Variants in SRCIN1 observed in about 807,000 individuals in gnomAD.
SRCIN1 encodes the protein SRC kinase signaling inhibitor 1, also known as P130Cas-associated protein.
SRCIN1 carries 50 observed loss-of-function variants against 116.2 expected under a neutral mutation model. That is an observed-to-expected ratio of 0.43 (90% CI 0.34 to 0.54). The LOEUF (loss-of-function observed/expected upper bound fraction) is 0.54. SRCIN1 is among the 20% of genes least tolerant of loss of function. The pLI is 0.02. For missense variants in SRCIN1, 1,446 were observed against 1,672.0 expected (o/e 0.86, Z 2.36); for synonymous variants, 736 against 750.0 (o/e 0.98, Z 0.30).
In SRCIN1 at chr17:38,551,335, T is replaced by C; in HGVS notation, c.2782A>G (p.Lys928Glu). 3 of 1,613,858 alleles carry C rather than the reference T, an allele frequency of 1.9e-6. No homozygotes were observed. The highest frequency in any genetic ancestry group is 2.5e-6 in the Non-Finnish European group (3 of 1,179,842). The change falls in exon 15 of 19, where the codon AAG becomes GAG. Residue 928 changes from lysine to glutamate, a missense_variant. Around this residue, in one of 5 missense-constraint regions of SRCIN1, gnomAD observed 531 missense variants for 633.9 expected, o/e 0.84. Transcript: ENST00000617146. ...KRAALTQYSAKDINRLLEETQ... is the reference protein window; with the variant it reads ...KRAALTQYSAEDINRLLEETQ... Reference sequence around the variant, plus strand: ...TCTTCCAGCAGCCGGTTGATGTCCTTGGCACTGTACTGGGTCAGGGCTGCC... The same window carrying C: ...TCTTCCAGCAGCCGGTTGATGTCCTCGGCACTGTACTGGGTCAGGGCTGCC...
intron 1 of SRCIN1, among the ~76,000 whole-genome samples, chr17:38,589,176 A>G (rs952035181): frequency 3.3e-5 from 5 of 152,154 alleles, no homozygotes; most frequent in Non-Finnish European, 5.9e-5. Context: ...TCGGCCTCCC[A>G]AAGTGCTGGG....
rs546619019 is a variant in SRCIN1 at position 38,558,120 on chromosome 17, G to A, written c.2201+107C>T. The A allele has an allele frequency of 6.6e-5, 87 of 1,308,794 alleles. 1 individual carries two copies. In the South Asian group the frequency reaches 9.1e-4, roughly 14 times the overall value. 81.1% of individuals were successfully genotyped at this position (1,308,794 alleles called of 1,614,324 possible). A position where few individuals can be genotyped will look rare whatever the true frequency, so the allele number is the denominator to read the frequency against. On this transcript the variant is annotated intron_variant, in intron 11 of 18. Coordinates refer to ENST00000617146, the MANE Select transcript of SRCIN1 (RefSeq NM_025248.3). This position sits in a 1 kb window ranked among gnomAD's most constrained non-coding sequence, Gnocchi z 4.6. Reference sequence around the variant, plus strand: ...AAATCAGGCTTCAGAACAGACCAACGCCACCTGTGACTCAGAGGGAAGGGA... The same window carrying A: ...AAATCAGGCTTCAGAACAGACCAACACCACCTGTGACTCAGAGGGAAGGGA...
chr17:38,564,146 C>A lies in SRCIN1; in HGVS notation c.513G>T (p.Ser171=), dbSNP rs758772037. ...GGGAGCGCAGCTTGGTCTGGCTGGC[C>A]GAGCGGGAGAGAGGCAGGCTCTGTC... is the stretch of plus-strand genomic sequence containing the variant. ...RFRQSLPLSR[S]ASQTKLRSPG... is the part of the protein sequence containing the mutation. The change falls in exon 4 of 19, where the codon TCG becomes TCT. Residue 171 remains serine (S), a synonymous_variant. Coordinates refer to ENST00000617146, the MANE Select transcript of SRCIN1 (RefSeq NM_025248.3). The A allele has an allele frequency of 1.2e-6, 2 of 1,600,282 alleles. No individual in the cohort carries two copies. The highest frequency in any genetic ancestry group is 1.7e-5 in the Admixed American group (1 of 58,240).
chr17:38,601,659 C>CGT (rs1264485832), intron 1 of SRCIN1, among the ~76,000 whole-genome samples: 2 of 143,372 alleles, frequency 1.4e-5, no homozygotes, highest in African/African-American at 5.2e-5. Flanking sequence ...CACACGCTCG[C>CGT]GCGCACACAC....
In SRCIN1 at chr17:38,563,367, G is replaced by C; in HGVS notation, c.696C>G (p.Ile232Met). 6.3e-7 allele frequency: 1 copy of C among 1,581,542 alleles called. No individual in the cohort carries two copies. The highest frequency in any genetic ancestry group is 8.6e-7 in the Non-Finnish European group (1 of 1,163,110). ...MLKSPNTAIL[I>M]KDEARNVFYE... ...AGAAGACGTTGCGAGCCTCGTCTTT[G>C]ATGAGGATGGCGGTATTGGGCGACT... The change falls in exon 5 of 19, where the codon ATC (isoleucine) becomes ATG (methionine). Residue 232 changes from isoleucine (I) to methionine (M), a missense_variant. Ile to Met is a conservative substitution (Grantham distance 10). This residue lies in a region of SRCIN1 where 32 missense variants were observed against 69.7 expected (regional missense o/e 0.46). Coordinates refer to ENST00000617146, the MANE Select transcript of SRCIN1 (RefSeq NM_025248.3). This position sits in a 1 kb window ranked among gnomAD's most constrained non-coding sequence, Gnocchi z 5.8.
chr17:38,560,537 GCCAAAACA>G, intron 7 of SRCIN1, 112 bp from the exon 8 acceptor site: 1 of 890,308 alleles, frequency 1.1e-6, no homozygotes. Context: ...ATCCCTGGCT[GCCAAAACA>G]CAGACAACGC....
intron 11 of SRCIN1, among the ~76,000 whole-genome samples, chr17:38,557,691 C>G (rs1444832240): frequency 6.6e-6 from 1 of 152,248 alleles, no homozygotes; most frequent in East Asian, 1.9e-4. Context: ...GCGATTCCTC[C>G]TTCCTTCTGA....
At chr17:38,536,481 C>T (rs1434979902) in intron 18 of SRCIN1, among the ~76,000 whole-genome samples, 3 of 152,264 alleles carry the variant, frequency 2.0e-5, no homozygotes, top group Admixed American at 2.0e-4. Flanking sequence ...TCCCAGAGGG[C>T]ACCACCCTGC....
At position 38,550,345 on chromosome 17, in the gene SRCIN1, A is replaced by G. The variant is rs1214356048; in HGVS notation, c.2962+810T>C. Among the ~76,000 whole-genome samples the G allele has an allele frequency of 2.6e-5, 4 of 152,072 alleles. No homozygotes were observed. In the East Asian group the frequency reaches 7.7e-4, roughly 29 times the overall value. On this transcript the variant is annotated intron_variant, in intron 15 of 18. Transcript: ENST00000617146. ...CCATCTCTACTAAAAATACAAAAAA[A>G]TTAGCCGGGCGTGGTGCAGGCGCCT... is the stretch of plus-strand genomic sequence containing the variant.
chr17:38,557,153 G>A (rs1028856537), intron 11 of SRCIN1, among the ~76,000 whole-genome samples: 12 of 152,256 alleles, frequency 7.9e-5, no homozygotes, highest in Non-Finnish European at 1.5e-4. Context: ...TTGCTAAAAT[G>A]CACATGTACC....
intron 1 of SRCIN1, among the ~76,000 whole-genome samples, chr17:38,589,204 C>T (rs1908309271): frequency 6.6e-6 from 1 of 152,206 alleles, no homozygotes; most frequent in Non-Finnish European, 1.5e-5. Context: ...GCGTGAGCCA[C>T]CGTGCCCAGC....
rs1303023643 is a variant in SRCIN1 at position 38,564,260 on chromosome 17, C to G, written c.399G>C (p.Ala133=). The change falls in exon 4 of 19, where the codon GCG becomes GCC. Residue 133 remains alanine, a synonymous_variant. Transcript: ENST00000617146. ...QGAQPGLADQ[A]AKLSYASAES... is the part of the protein sequence containing the mutation. ...CGGCGGAGGCGTAGGACAGCTTTGCCGCCTGGTCTGCCAGCCCGGGCTGGG... is the reference window on the plus strand; with the variant it reads ...CGGCGGAGGCGTAGGACAGCTTTGCGGCCTGGTCTGCCAGCCCGGGCTGGG... The G allele has an allele frequency of 6.4e-7, 1 of 1,574,562 alleles. No individual in the cohort carries two copies. Among genetic ancestry groups the G allele is most frequent in the Non-Finnish European group, 8.6e-7 (1 of 1,162,648 alleles).
rs902725905 is a variant in SRCIN1, at chr17:38,572,827, C to T, written c.325-4596G>A. 3.2e-4 allele frequency: 49 copies of T among 152,102 alleles called. No homozygotes were observed. Among genetic ancestry groups the T allele is most frequent in the Admixed American group, 7.9e-4 (12 of 15,164 alleles). 9.4% of individuals were successfully genotyped at this position (152,102 alleles called of 1,614,324 possible). Reference sequence around the variant, plus strand: ...GTGCCCTTTGCTGCAATGCGAGAGCCGCCGCGGCCGCCGCCGTGCCGGCCC... The same window carrying T: ...GTGCCCTTTGCTGCAATGCGAGAGCTGCCGCGGCCGCCGCCGTGCCGGCCC... On this transcript the variant is annotated intron_variant, in intron 2 of 18. Transcript: ENST00000617146. This position sits in a 1 kb window ranked among gnomAD's most constrained non-coding sequence, Gnocchi z 4.3.
At chr17:38,560,508 C>A (rs964069965) in intron 7 of SRCIN1, 83 bp from the exon 8 acceptor site, 1 of 1,184,028 alleles carries the variant, frequency 8.4e-7, no homozygotes. Context: ...AGATTGGTAA[C>A]CAGAAGAAAC....
Position 38,552,469 on chromosome 17 carries a change from C to G in SRCIN1, c.2458G>C (p.Asp820His), listed in dbSNP as rs754457711. 2 of 1,602,868 alleles carry G rather than the reference C, an allele frequency of 1.2e-6. No individual in the cohort carries two copies. Among genetic ancestry groups the G allele is most frequent in the Non-Finnish European group, 1.7e-6 (2 of 1,175,186 alleles). The part of the protein sequence containing the change: ...GLLKRCRGVT[D>H]TLAQIRRQVD... ...GACCTTCGGATCTGGGCCAGCGTGT[C>G]CGTGACCCCGCGGCAGCGCTTGAGG... is the stretch of plus-strand genomic sequence containing the variant. The change falls in exon 13 of 19, where the codon GAC (aspartate) becomes CAC (histidine). Residue 820 changes from aspartate (D) to histidine (H), a missense_variant. Coordinates refer to ENST00000617146, the MANE Select transcript of SRCIN1 (RefSeq NM_025248.3). This position sits in a 1 kb window ranked among gnomAD's most constrained non-coding sequence, Gnocchi z 5.3.
chr17:38,578,407 G>A, intron 2 of SRCIN1, 83 bp downstream of exon 2: 1 of 1,447,190 alleles, frequency 6.9e-7, no homozygotes, highest in Admixed American at 2.5e-5. Context: ...AATGAGCCTG[G>A]GGACACGGAG....
At chr17:38,584,393 C>T (rs754338765) in intron 1 of SRCIN1, among the ~76,000 whole-genome samples, 6 of 152,180 alleles carry the variant, frequency 3.9e-5, no homozygotes, top group Non-Finnish European at 7.3e-5. Context: ...CAAGAACTGG[C>T]GAAATCCAGA....
Position 38,564,446 on chromosome 17 carries a change from C to G in SRCIN1, c.346-133G>C, listed in dbSNP as rs1313176302. ...CCCACACAGATTACAGACTCCCACACAGATTACAGACTCCTGGCATGGCCA... is the reference window on the plus strand; with the variant it reads ...CCCACACAGATTACAGACTCCCACAGAGATTACAGACTCCTGGCATGGCCA... On this transcript the variant is annotated intron_variant, in intron 3 of 18. Transcript: ENST00000617146. 15 of 962,542 alleles carry G rather than the reference C, an allele frequency of 1.6e-5. No homozygotes were observed. The South Asian group carries it at 2.6e-4, about 16-fold the overall frequency. 59.6% of individuals were successfully genotyped at this position (962,542 alleles called of 1,614,324 possible).
In SRCIN1 at chr17:38,552,793, G is replaced by A; in HGVS notation, c.2264C>T (p.Pro755Leu). 6.2e-7 allele frequency: 1 copy of A among 1,613,984 alleles called. No individual in the cohort carries two copies. Residue 755 changes from proline (P) to leucine (L), a missense_variant, in exon 12 of 19, where the codon CCC (proline) becomes CTC (leucine). This residue lies in a region of SRCIN1 where 531 missense variants were observed against 633.9 expected (regional missense o/e 0.84). Coordinates refer to ENST00000617146, the MANE Select transcript of SRCIN1 (RefSeq NM_025248.3). This position sits in a 1 kb window ranked among gnomAD's most constrained non-coding sequence, Gnocchi z 5.3. The stretch of plus-strand genomic sequence containing the variant: ...TGCCTTCTCCTCCAGCTCAGGGCCG[G>A]GCACCAGCCGGTGGTTGTGGGACAC... ...RDVSHNHRLV[P>L]GPELEEKALV...
Sources: gnomAD v4.1 joint callset for allele counts (sites outside exome capture counted in the v4.1 genomes callset) on GRCh38, gnomAD v4.1.1 for gene constraint, gnomAD v4.1.1 regional missense constraint, Gnocchi (gnomAD v3.1) non-coding constraint, MANE v1.5 for transcripts, NCBI Gene and HGNC (gene_info 2026-07-23, HGNC 2026-07-21) for gene names.